Variants in PCDH15 observed in about 807,000 individuals in gnomAD.
PCDH15 encodes the protein protocadherin-15.
PCDH15 carries 129 observed loss-of-function variants against 178.5 expected under a neutral mutation model. The observed-to-expected ratio is 0.72, with a 90% CI of 0.63 to 0.84. The LOEUF is 0.84. Among genes scored for constraint, PCDH15 ranks in the 40% least tolerant of loss-of-function variants. The pLI, the probability that PCDH15 is intolerant of heterozygous loss-of-function variation, is 0.00. For synonymous variants in PCDH15, 800 were observed against 732.0 expected (o/e 1.09, Z -1.50); for missense variants, 2,230 against 2,099.9 (o/e 1.06, Z -1.21).
intron 21 of PCDH15, among the ~76,000 whole-genome samples, chr10:53,980,048 G>A (rs2090498285): frequency 2.0e-5 from 3 of 151,906 alleles, no homozygotes; most frequent in Non-Finnish European, 2.9e-5. Flanking sequence ...GTGAAACTCC[G>A]TCTCTACTAC....
intron 2 of PCDH15, among the ~76,000 whole-genome samples, chr10:55,595,461 G>A (rs1199386713): frequency 6.6e-6 from 1 of 152,024 alleles, no homozygotes; most frequent in African/African-American, 2.4e-5. Context: ...CTGGAAAACT[G>A]TTTAAGCTCC....
chr10:54,121,996 G>GACACAGACACACACACACACAC (rs756158522), intron 15 of PCDH15, among the ~76,000 whole-genome samples: 18 of 95,932 alleles, frequency 1.9e-4, no homozygotes, highest in South Asian at 1.0e-3. Flanking sequence ...ACCGGGCAAA[G>GACACAGACACACACACACACAC]ACACATACAC....
At chr10:54,920,499 C>T (rs902673746) in intron 2 of PCDH15, among the ~76,000 whole-genome samples, 9 of 135,024 alleles carry the variant, frequency 6.7e-5, no homozygotes, top group Admixed American at 1.5e-4. Context: ...AAAAAAATCT[C>T]CAGTGTGTGT....
intron 6 of PCDH15, among the ~76,000 whole-genome samples, chr10:54,344,435 T>C (rs1005616024): frequency 6.6e-6 from 1 of 152,176 alleles, no homozygotes; most frequent in African/African-American, 2.4e-5. Flanking sequence ...ATTAACTGTC[T>C]ACATTTTAAG....
chr10:55,317,479 T>G (rs1207335199), intron 1 of PCDH15, among the ~76,000 whole-genome samples: 9 of 96,634 alleles, frequency 9.3e-5, no homozygotes, highest in African/African-American at 3.1e-4. Flanking sequence ...CTTAATAGTG[T>G]TTTTTTTTTC....
chr10:54,819,957 A>G (rs1001217362), intron 3 of PCDH15, among the ~76,000 whole-genome samples: 1 of 152,072 alleles, frequency 6.6e-6, no homozygotes, highest in African/African-American at 2.4e-5. Context: ...ATTTAGCCTT[A>G]TAACTAAAGC....
intron 5 of PCDH15, among the ~76,000 whole-genome samples, chr10:54,350,191 A>G (rs1276506369): frequency 3.3e-5 from 5 of 152,324 alleles, no homozygotes; most frequent in Admixed American, 3.3e-4. Context: ...AATAGATTTC[A>G]GCATGTTCTT....
intron 13 of PCDH15, among the ~76,000 whole-genome samples, chr10:54,178,597 A>T (rs1467963598): frequency 1.3e-5 from 2 of 152,112 alleles, no homozygotes; most frequent in Non-Finnish European, 2.9e-5. Flanking sequence ...GAAGGGAAGG[A>T]GAACTAAAAA....
chr10:55,174,995 C>T (rs1199572505), intron 1 of PCDH15, among the ~76,000 whole-genome samples: 1 of 151,922 alleles, frequency 6.6e-6, no homozygotes, highest in East Asian at 1.9e-4. Flanking sequence ...TTTTGACTAC[C>T]ACTGAGAAGC....
At chr10:53,900,427 T>C (rs1265143632) in intron 26 of PCDH15, among the ~76,000 whole-genome samples, 1 of 152,136 alleles carries the variant, frequency 6.6e-6, no homozygotes, top group Non-Finnish European at 1.5e-5. Context: ...ATCCCAACAC[T>C]GTATACTTCA....
intron 2 of PCDH15, among the ~76,000 whole-genome samples, chr10:55,415,403 T>C (rs900501557): frequency 6.6e-6 from 1 of 151,640 alleles, no homozygotes; most frequent in African/African-American, 2.4e-5. Context: ...CCCAATATAG[T>C]CTATTTTAGG....
chr10:54,033,284 AT>A (rs574577522), intron 18 of PCDH15, among the ~76,000 whole-genome samples: 8 of 151,990 alleles, frequency 5.3e-5, no homozygotes, highest in African/African-American at 1.9e-4. Context: ...GGATTTTAAG[AT>A]TTTTTTCTTT....
At chr10:55,213,236 G>T (rs930443100) in intron 1 of PCDH15, among the ~76,000 whole-genome samples, 5 of 152,018 alleles carry the variant, frequency 3.3e-5, no homozygotes, top group African/African-American at 1.2e-4. Flanking sequence ...TGCATACATA[G>T]GCATGAGGAT....
intron 8 of PCDH15, among the ~76,000 whole-genome samples, chr10:54,258,263 T>C (rs2057065494): frequency 6.6e-6 from 1 of 152,186 alleles, no homozygotes; most frequent in South Asian, 2.1e-4. Context: ...TTATTTGTTT[T>C]GCTGACAGAG....
intron 26 of PCDH15, among the ~76,000 whole-genome samples, chr10:53,878,215 A>AATATATATATATATATATATATAT (rs140273411): frequency 7.8e-6 from 1 of 127,454 alleles, no homozygotes; most frequent in African/African-American, 3.2e-5. Context: ...ACACACTTTG[A>AATATATATATATATATATATATAT]ATATATATAT....
rs148920891 is a variant in PCDH15 at position 54,023,039 on chromosome 10, A to T, written c.2379T>A (p.Asp793Glu). The change falls in exon 19 of 38, where the codon GAT (aspartate) becomes GAA (glutamate). Residue 793 changes from aspartate (D) to glutamate (E), a missense_variant. By Grantham distance (45) the Asp-to-Glu change is conservative. Coordinates refer to ENST00000644397, the MANE Select transcript of PCDH15 (RefSeq NM_001384140.1). Reference sequence around the variant, plus strand: ...TTGAATGACGAGGGTGTACTGCTCCATCTGTTGCCACAACAACAAGTTCAT... The same window carrying T: ...TTGAATGACGAGGGTGTACTGCTCCTTCTGTTGCCACAACAACAAGTTCAT... ...DYYELVVVAT[D>E]GAVHPRHSTL... 1 of 1,613,954 alleles carries T rather than the reference A, an allele frequency of 6.2e-7. No homozygotes were observed. The highest frequency in any genetic ancestry group is 8.5e-7 in the Non-Finnish European group (1 of 1,179,904).
intron 2 of PCDH15, among the ~76,000 whole-genome samples, chr10:55,539,572 T>C (rs1841709879): frequency 6.6e-6 from 1 of 152,100 alleles, no homozygotes; most frequent in Non-Finnish European, 1.5e-5. Flanking sequence ...AGAACTCCAA[T>C]ACTATGTGCA....
intron 25 of PCDH15, among the ~76,000 whole-genome samples, chr10:53,906,238 G>A (rs2082672403): frequency 6.6e-6 from 1 of 151,202 alleles, no homozygotes; most frequent in Non-Finnish European, 1.5e-5. Context: ...TTTCCATAAT[G>A]TAAAATAGAC....
At chr10:53,947,760 C>A (rs886467056) in intron 23 of PCDH15, among the ~76,000 whole-genome samples, 1 of 152,090 alleles carries the variant, frequency 6.6e-6, no homozygotes, top group Non-Finnish European at 1.5e-5. Context: ...CTGCTTTTTA[C>A]GTATGTTCCA....
Sources: gnomAD v4.1 joint callset for allele counts (sites outside exome capture counted in the v4.1 genomes callset) on GRCh38, gnomAD v4.1.1 for gene constraint, MANE v1.5 for transcripts, NCBI Gene and HGNC (gene_info 2026-07-23, HGNC 2026-07-21) for gene names.